The following XYLB variants were observed in gnomAD, a reference collection of about 807,000 sequenced individuals.
XYLB encodes the protein xylulokinase.
Under a neutral mutation model 78.7 loss-of-function variants are expected in XYLB, and 62 were observed. The observed-to-expected ratio is 0.79, with a 90% CI of 0.64 to 0.97. The LOEUF is 0.97. Ranked by LOEUF, XYLB falls within the 50% of genes least tolerant of loss-of-function variation. The probability of loss-of-function intolerance (pLI) is 0.00; values close to 1 mark genes in which losing one functional copy is unlikely to be tolerated. For synonymous variants in XYLB, 245 were observed against 247.4 expected, an observed-to-expected ratio of 0.99 and a Z score of 0.09; for missense variants, 687 against 676.8, an observed-to-expected ratio of 1.02 and a Z score of -0.17.
At chr3:38,401,997 G>A (rs911497748) in intron 18 of XYLB, among the ~76,000 whole-genome samples, 3 of 152,236 alleles carry the variant, frequency 2.0e-5, no homozygotes, top group Non-Finnish European at 4.4e-5. Context: ...TCCTGGATCA[G>A]AGACAAAGGG....
At chr3:38,418,995 C>A (rs1006194129), downstream of XYLB, among the ~76,000 whole-genome samples, 5 of 152,082 alleles carry the variant, frequency 3.3e-5, no homozygotes, top group African/African-American at 1.2e-4. Context: ...CCACACATTT[C>A]CAAAACCTTT....
chr3:38,382,092 T>C (rs548156606), intron 15 of XYLB, among the ~76,000 whole-genome samples: 40 of 152,286 alleles, frequency 2.6e-4, no homozygotes, highest in African/African-American at 8.7e-4. Context: ...TCCCTTTGTT[T>C]CTCAAGCCAG....
At chr3:38,377,763 G>A (rs1706938538) in intron 14 of XYLB, among the ~76,000 whole-genome samples, 1 of 152,122 alleles carries the variant, frequency 6.6e-6, no homozygotes, top group Non-Finnish European at 1.5e-5. Context: ...CAAAGCAATA[G>A]GCACTATTGT....
At chr3:38,371,216 C>T (rs1333489326) in intron 9 of XYLB, among the ~76,000 whole-genome samples, 1 of 152,166 alleles carries the variant, frequency 6.6e-6, no homozygotes, top group Non-Finnish European at 1.5e-5. Flanking sequence ...TCAAGTGATC[C>T]TCCTGCCTCA....
chr3:38,404,936 C>G (rs974143916), intron 18 of XYLB, among the ~76,000 whole-genome samples: 2 of 152,124 alleles, frequency 1.3e-5, no homozygotes, highest in African/African-American at 2.4e-5. Flanking sequence ...CAGGAAAATC[C>G]GGGTCCTTGG....
intron 2 of XYLB, among the ~76,000 whole-genome samples, chr3:38,353,191 G>A (rs1705461344): frequency 6.6e-6 from 1 of 152,140 alleles, no homozygotes; most frequent in Admixed American, 6.5e-5. Flanking sequence ...TAAGATTTCA[G>A]CTTTCTTACA....
chr3:38,362,367 A>G (rs771937697), intron 3 of XYLB, among the ~76,000 whole-genome samples: 10 of 152,172 alleles, frequency 6.6e-5, no homozygotes, highest in Non-Finnish European at 1.3e-4. Context: ...CCTCCTGAGT[A>G]GCTGGGATTA....
the XYLB span, among the ~76,000 whole-genome samples, chr3:38,448,797 C>T: frequency 6.6e-6 from 1 of 152,166 alleles, no homozygotes; most frequent in Non-Finnish European, 1.5e-5. Flanking sequence ...TGGAGTGACT[C>T]TCTGGGTCTC....
At chr3:38,394,546 A>G (rs950490653) in intron 15 of XYLB, among the ~76,000 whole-genome samples, 4 of 152,152 alleles carry the variant, frequency 2.6e-5, no homozygotes, top group African/African-American at 7.2e-5. Context: ...TGACTGGTAG[A>G]TCTAATACTG....
In XYLB at chr3:38,346,825, G is replaced by GCGGA. The variant is rs1255388450; in HGVS notation, c.-34_-31dup. 31 of 1,471,052 alleles carry GCGGA rather than the reference G, an allele frequency of 2.1e-5. No individual in the cohort carries two copies. Among genetic ancestry groups the GCGGA allele is most frequent in the Non-Finnish European group, 2.6e-5 (29 of 1,108,410 alleles). 91.1% of individuals were successfully genotyped at this position (1,471,052 alleles called of 1,614,324 possible). ...AGCGCGGCGACTATCACGCCGCGTGGCGGACGGACGGACTGACGGACGCGC... is the reference window on the plus strand; with the variant it reads ...AGCGCGGCGACTATCACGCCGCGTGGCGGACGGACGGACGGACTGACGGACGCGC... On this transcript the variant is annotated 5_prime_UTR_variant, in exon 1 of 19. Transcript: ENST00000207870.
the XYLB span, among the ~76,000 whole-genome samples, chr3:38,447,861 C>T: frequency 3.3e-5 from 5 of 152,036 alleles, no homozygotes; most frequent in Admixed American, 1.3e-4. Context: ...CATTCATCAA[C>T]GGATGAACAG....
the XYLB span, among the ~76,000 whole-genome samples, chr3:38,443,505 C>A: frequency 6.6e-6 from 1 of 152,168 alleles, no homozygotes; most frequent in Non-Finnish European, 1.5e-5. Flanking sequence ...TATTTTCTGT[C>A]CTCTCTGAAC....
At chr3:38,406,203 A>T (rs931243017) in intron 18 of XYLB, among the ~76,000 whole-genome samples, 1 of 152,208 alleles carries the variant, frequency 6.6e-6, no homozygotes, top group Non-Finnish European at 1.5e-5. Context: ...CAGAGAAATG[A>T]TCAGACAGCA....
At chr3:38,398,904 C>T (rs536012600) in intron 17 of XYLB, among the ~76,000 whole-genome samples, 32 of 151,250 alleles carry the variant, frequency 2.1e-4, no homozygotes, top group Admixed American at 3.3e-4. Context: ...TGGTGGCGCA[C>T]GCCTGTAGTC....
intron 14 of XYLB, among the ~76,000 whole-genome samples, chr3:38,377,989 G>A (rs911076723): frequency 6.6e-6 from 1 of 152,208 alleles, no homozygotes; most frequent in Non-Finnish European, 1.5e-5. Flanking sequence ...AGTCACTGGA[G>A]AGTCATCACC....
At chr3:38,377,066 TA>T (rs1706898291) in intron 14 of XYLB, 75 bp downstream of exon 14, 4 of 1,325,224 alleles carry the variant, frequency 3.0e-6, no homozygotes, top group Admixed American at 1.8e-5. Flanking sequence ...CCTATCAAAT[TA>T]TGTTACTTTT....
chr3:38,359,573 C>T (rs1306244838), intron 2 of XYLB, among the ~76,000 whole-genome samples: 1 of 152,228 alleles, frequency 6.6e-6, no homozygotes, highest in Non-Finnish European at 1.5e-5. Context: ...ATGAATAGTT[C>T]ATATTTTTTC....
chr3:38,420,062 C>A (rs942937688), exon 18 of XYLB, among the ~76,000 whole-genome samples: 1 of 152,152 alleles, frequency 6.6e-6, no homozygotes, highest in Non-Finnish European at 1.5e-5. Context: ...TTGTGATCCA[C>A]CCGCCTCAGC....
At chr3:38,418,801 A>G (rs1708883626), downstream of XYLB, among the ~76,000 whole-genome samples, 1 of 152,236 alleles carries the variant, frequency 6.6e-6, no homozygotes, top group Non-Finnish European at 1.5e-5. Flanking sequence ...TTATCACTTT[A>G]ACCATGTTTT....
Sources: allele counts gnomAD v4.1 joint callset (sites outside exome capture counted in the v4.1 genomes callset), GRCh38; gene constraint gnomAD v4.1.1; transcripts MANE v1.5; gene names NCBI Gene and HGNC (gene_info 2026-07-23, HGNC 2026-07-21).